Variants in MAP2K6 observed in about 807,000 individuals in gnomAD.
MAP2K6 encodes the protein dual specificity mitogen-activated protein kinase kinase 6.
Under a neutral mutation model 53.7 loss-of-function variants are expected in MAP2K6, and 16 were observed. The observed-to-expected ratio is 0.30, with a 90% CI of 0.20 to 0.45. MAP2K6 has a LOEUF of 0.45. Among genes scored for constraint, MAP2K6 ranks in the 20% least tolerant of loss-of-function variants. MAP2K6 has a pLI of 1.00. For missense variants in MAP2K6, 204 were observed against 411.9 expected, an observed-to-expected ratio of 0.50 and a Z score of 4.37; for synonymous variants, 132 against 143.1, an observed-to-expected ratio of 0.92 and a Z score of 0.55.
In MAP2K6 at chr17:69,505,775, C is replaced by T. The variant is rs774348842; in HGVS notation, c.17-5C>T. On this transcript the variant is annotated splice_polypyrimidine_tract_variant and splice_region_variant and intron_variant, in intron 1 of 11. Coordinates refer to ENST00000590474, the MANE Select transcript of MAP2K6 (RefSeq NM_002758.4). ...TTAACTTTTTCCTTTTGTCTTTCCC[C>T]ATAGGCAAGAAGCGAAACCCTGGCC... The T allele has an allele frequency of 1.2e-6, 2 of 1,612,408 alleles. No individual in the cohort carries two copies. The highest frequency in any genetic ancestry group is 1.7e-6 in the Non-Finnish European group (2 of 1,178,576).
At chr17:69,507,175 A>G (rs1909545055) in intron 2 of MAP2K6, among the ~76,000 whole-genome samples, 2 of 152,312 alleles carry the variant, frequency 1.3e-5, no homozygotes, top group South Asian at 4.2e-4. Context: ...AAAGAAACGT[A>G]CAGGGAAGTC....
intron 1 of MAP2K6, among the ~76,000 whole-genome samples, chr17:69,436,147 T>C (rs1906634267): frequency 1.3e-5 from 2 of 152,158 alleles, no homozygotes. Flanking sequence ...AGATAACAAG[T>C]TTGTAAATTA....
rs776652694 is a variant in MAP2K6, at chr17:69,521,040, C to T, written c.484-9C>T. On this transcript the variant is annotated splice_polypyrimidine_tract_variant and intron_variant, in intron 6 of 11. Coordinates refer to ENST00000590474, the MANE Select transcript of MAP2K6 (RefSeq NM_002758.4). ...TGATAAATAAATCTATCTTGTGTTT[C>T]TCTTGCAGATTGTAAAAGCATTAGA... 3 of 1,596,984 alleles carry T rather than the reference C, an allele frequency of 1.9e-6. No individual in the cohort carries two copies. The East Asian group carries it at 6.8e-5, about 36-fold the overall frequency.
intron 1 of MAP2K6, among the ~76,000 whole-genome samples, chr17:69,439,909 C>T (rs1340181590): frequency 6.6e-6 from 1 of 152,150 alleles, no homozygotes; most frequent in Non-Finnish European, 1.5e-5. Flanking sequence ...TAAGTGTTGT[C>T]TCATTTAAAT....
intron 1 of MAP2K6, among the ~76,000 whole-genome samples, chr17:69,457,341 G>A (rs1311376760): frequency 1.3e-5 from 2 of 152,222 alleles, no homozygotes; most frequent in Non-Finnish European, 2.9e-5. Flanking sequence ...CCTAGGTTGA[G>A]TGGTATTTAC....
At chr17:69,526,506 C>T (rs1026465039) in intron 9 of MAP2K6, 64 bp from the exon 10 acceptor site, 33 of 1,559,380 alleles carry the variant, frequency 2.1e-5, no homozygotes, top group Non-Finnish European at 2.6e-5. Context: ...ACAAATGAAA[C>T]GTGGGTGATT....
chr17:69,529,189 C>G (rs1343064865), intron 10 of MAP2K6, among the ~76,000 whole-genome samples: 9 of 152,262 alleles, frequency 5.9e-5, no homozygotes, highest in Non-Finnish European at 7.4e-5. Context: ...AGGCCTCATC[C>G]TCATAGACTC....
chr17:69,457,955 T>C (rs955515597), intron 1 of MAP2K6, among the ~76,000 whole-genome samples: 1 of 152,180 alleles, frequency 6.6e-6, no homozygotes, highest in African/African-American at 2.4e-5. Context: ...TCTCAAATTA[T>C]GGCCCATTAC....
At chr17:69,438,198 A>G (rs963058380) in intron 1 of MAP2K6, among the ~76,000 whole-genome samples, 2 of 152,208 alleles carry the variant, frequency 1.3e-5, no homozygotes, top group Admixed American at 6.5e-5. Context: ...ACCAATAGCT[A>G]TGGGACTGGA....
chr17:69,435,099 T>C (rs1906593614), intron 1 of MAP2K6: 1 of 152,196 alleles, frequency 6.6e-6, no homozygotes, highest in South Asian at 2.1e-4. Context: ...AAAAAATAAA[T>C]GACTTAAACC....
intron 1 of MAP2K6, among the ~76,000 whole-genome samples, chr17:69,436,201 A>G (rs1170119869): frequency 1.3e-5 from 2 of 152,130 alleles, no homozygotes; most frequent in South Asian, 2.1e-4. Flanking sequence ...AGCTTCTGCT[A>G]TCCTAATCCC....
At position 69,545,284 on chromosome 17, in the gene MAP2K6, A is replaced by C. The variant is rs903083065; in HGVS notation, c.*3531A>C. 1.3e-5 allele frequency: 2 copies of C among 152,132 alleles called. No individual in the cohort carries two copies. The highest frequency in any genetic ancestry group is 4.8e-5 in the African/African-American group (2 of 41,434). The allele number at this position is 152,132 out of a possible 1,614,324, so 9.4% of individuals were successfully genotyped here. A position where few individuals can be genotyped will look rare whatever the true frequency, so the allele number is the denominator to read the frequency against. On this transcript the variant is annotated 3_prime_UTR_variant, in exon 12 of 12. Transcript: ENST00000590474. ...CCCCCATAAAGGTATATGTTTGTTG[A>C]TAAAATATCAGGTCATCACGGATTT...
chr17:69,491,333 G>A (rs1422574477), intron 1 of MAP2K6, among the ~76,000 whole-genome samples: 7 of 152,020 alleles, frequency 4.6e-5, no homozygotes, highest in African/African-American at 1.2e-4. Flanking sequence ...TAGTAGAGAC[G>A]TGGTTTCACC....
chr17:69,454,545 C>T lies in MAP2K6; in HGVS notation c.16+39545C>T, dbSNP rs898300879. On this transcript the variant is annotated intron_variant, in intron 1 of 11. Transcript: ENST00000590474. The stretch of plus-strand genomic sequence containing the variant: ...GACTACAGGCACGCATCACCATGCC[C>T]GGCTAATTTTTGTATTTTTTTTTTT... Among the ~76,000 whole-genome samples, 5 of 151,820 alleles carry T rather than the reference C, an allele frequency of 3.3e-5. No homozygotes were observed. The South Asian group carries it at 8.3e-4, about 25-fold the overall frequency.
chr17:69,449,581 C>A (rs1179773481), intron 1 of MAP2K6, among the ~76,000 whole-genome samples: 1 of 94,576 alleles, frequency 1.1e-5, no homozygotes, highest in Non-Finnish European at 2.4e-5. Context: ...TTCTTTCTTT[C>A]TTTCTTTCTT....
chr17:69,432,636 C>T (rs914098966), intron 1 of MAP2K6, among the ~76,000 whole-genome samples: 3 of 149,834 alleles, frequency 2.0e-5, no homozygotes, highest in Non-Finnish European at 4.4e-5. Context: ...AGGAAAAACA[C>T]ACATCGGGGC....
rs56888655 is a variant in MAP2K6 at position 69,419,913 on chromosome 17, C to CAAA, written c.16+4926_16+4928dup. The stretch of plus-strand genomic sequence containing the variant: ...TGGGTGACAGAGCCAGACTTCATCT[C>CAAA]AAAAAAAAAAAAAAATTAATTAATT... On this transcript the variant is annotated intron_variant, in intron 1 of 11. Transcript: ENST00000590474. Among the ~76,000 whole-genome samples the CAAA allele has an allele frequency of 1.2e-3, 159 of 137,526 alleles. 1 individual carries two copies. The highest frequency in any genetic ancestry group is 1.7e-3 in the Non-Finnish European group (107 of 63,664). 90.2% of individuals were successfully genotyped at this position (137,526 alleles called of 152,430 possible). A position where few individuals can be genotyped will look rare whatever the true frequency, so the allele number is the denominator to read the frequency against.
intron 1 of MAP2K6, among the ~76,000 whole-genome samples, chr17:69,500,048 A>G (rs1319998842): frequency 1.3e-5 from 2 of 152,200 alleles, no homozygotes; most frequent in Admixed American, 6.5e-5. Context: ...CAAGACAGCT[A>G]GAGCCCTCCA....
At chr17:69,515,711 T>G (rs1910106185) in intron 2 of MAP2K6, among the ~76,000 whole-genome samples, 1 of 152,230 alleles carries the variant, frequency 6.6e-6, no homozygotes, top group Non-Finnish European at 1.5e-5. Flanking sequence ...TTGCTGGGCT[T>G]GATAAGACAG....
Sources: gnomAD v4.1 joint callset for allele counts (sites outside exome capture counted in the v4.1 genomes callset) on GRCh38, gnomAD v4.1.1 for gene constraint, MANE v1.5 for transcripts, NCBI Gene and HGNC (gene_info 2026-07-23, HGNC 2026-07-21) for gene names.